Variants in SLC4A5 observed in about 807,000 individuals in gnomAD.
The protein encoded by SLC4A5 is solute carrier family 4 member 5, also known as electrogenic sodium bicarbonate cotransporter 4.
SLC4A5 carries 96 observed loss-of-function variants against 120.4 expected under a neutral mutation model. That is an observed-to-expected ratio of 0.80 (90% confidence interval 0.68 to 0.94). The LOEUF (loss-of-function observed/expected upper bound fraction) is 0.94. SLC4A5 is among the 40% of genes least tolerant of loss of function. The pLI is 0.00. For synonymous variants in SLC4A5, 550 were observed against 571.1 expected, an observed-to-expected ratio of 0.96 and a Z score of 0.53; for missense variants, 1,259 against 1,459.5, an observed-to-expected ratio of 0.86 and a Z score of 2.24.
chr2:74,325,969 A>G (rs1673208617), intron 5 of SLC4A5, among the ~76,000 whole-genome samples: 1 of 151,590 alleles, frequency 6.6e-6, no homozygotes. Flanking sequence ...GGAGGGAGAA[A>G]GACGAAAGAG....
intron 12 of SLC4A5, among the ~76,000 whole-genome samples, chr2:74,257,494 C>T (rs1050397833): frequency 7.2e-5 from 11 of 152,188 alleles, no homozygotes; most frequent in East Asian, 3.9e-4. Context: ...GGAGGAGATA[C>T]GGGCTGGGCA....
chr2:74,247,338 C>T (rs1434838722), intron 18 of SLC4A5, 31 bp from the exon 19 acceptor site: 3 of 1,595,780 alleles, frequency 1.9e-6, no homozygotes, highest in Admixed American at 3.4e-5. Flanking sequence ...GAGGGGCCTC[C>T]AGCCCAGGGC....
chr2:74,270,896 G>GGACATGGCC (rs1447053508), intron 8 of SLC4A5, among the ~76,000 whole-genome samples: 2 of 152,098 alleles, frequency 1.3e-5, no homozygotes, highest in Non-Finnish European at 2.9e-5. Flanking sequence ...TTATACAGCA[G>GGACATGGCC]GACATGGCCT....
intron 25 of SLC4A5, among the ~76,000 whole-genome samples, chr2:74,229,116 T>TTTTTTTTTTTTC (rs1553451209): frequency 7.3e-6 from 1 of 136,464 alleles, no homozygotes; most frequent in Non-Finnish European, 1.5e-5. Context: ...TTTTTTTTTT[T>TTTTTTTTTTTTC]CTTGAGACAG....
exon 18 of SLC4A5, chr2:74,248,362 T>C: frequency 6.2e-7 from 1 of 1,613,962 alleles, no homozygotes; most frequent in South Asian, 1.1e-5. Context: ...CTTGCTGAAG[T>C]CGAAGAGGAG....
At chr2:74,293,365 C>A (rs1044619731) in intron 7 of SLC4A5, among the ~76,000 whole-genome samples, 4 of 152,154 alleles carry the variant, frequency 2.6e-5, no homozygotes, top group African/African-American at 9.7e-5. Context: ...TCCCCTCCTC[C>A]CATAAGGATG....
At chr2:74,340,192 CA>C (rs769798627) in intron 2 of SLC4A5, among the ~76,000 whole-genome samples, 10 of 152,080 alleles carry the variant, frequency 6.6e-5, no homozygotes, top group Non-Finnish European at 1.3e-4. Context: ...TTAAAATGGT[CA>C]ATCTTATGCT....
intron 8 of SLC4A5, among the ~76,000 whole-genome samples, chr2:74,282,443 T>G (rs1671843179): frequency 6.6e-6 from 1 of 152,260 alleles, no homozygotes; most frequent in Admixed American, 6.5e-5. Context: ...AGCCAGGTTA[T>G]CCTGAGGTCC....
intron 3 of SLC4A5, among the ~76,000 whole-genome samples, chr2:74,337,759 C>T (rs925302426): frequency 2.0e-5 from 3 of 152,188 alleles, no homozygotes; most frequent in Admixed American, 1.3e-4. Context: ...ATTTGCATCC[C>T]GATCTGCCTT....
intron 6 of SLC4A5, among the ~76,000 whole-genome samples, chr2:74,310,958 GTTAA>G (rs1672788363): frequency 6.9e-6 from 1 of 145,436 alleles, no homozygotes; most frequent in East Asian, 2.0e-4. Flanking sequence ...TTGGTAAGTT[GTTAA>G]TTATTATTAT....
chr2:74,258,739 G>A (rs774865142), intron 12 of SLC4A5, among the ~76,000 whole-genome samples: 7 of 152,242 alleles, frequency 4.6e-5, no homozygotes, highest in Non-Finnish European at 5.9e-5. Flanking sequence ...GCACAGTGTA[G>A]TGCATGTGGT....
chr2:74,336,648 C>T (rs1673498161), intron 3 of SLC4A5, among the ~76,000 whole-genome samples: 1 of 152,162 alleles, frequency 6.6e-6, no homozygotes, highest in Admixed American at 6.5e-5. Flanking sequence ...ATAATTTGCC[C>T]AAGTTCACAC....
intron 5 of SLC4A5, among the ~76,000 whole-genome samples, chr2:74,325,138 T>C (rs1426402607): frequency 6.6e-6 from 1 of 152,184 alleles, no homozygotes; most frequent in African/African-American, 2.4e-5. Flanking sequence ...GAAAATGAAA[T>C]AGAGCTTTCC....
At chr2:74,261,007 T>A (rs575963333) in intron 11 of SLC4A5, among the ~76,000 whole-genome samples, 1 of 152,296 alleles carries the variant, frequency 6.6e-6, no homozygotes, top group South Asian at 2.1e-4. Context: ...TAGAACCCCC[T>A]CTTCCTCCTC....
At chr2:74,340,164 T>C (rs994283410) in intron 2 of SLC4A5, among the ~76,000 whole-genome samples, 6 of 152,236 alleles carry the variant, frequency 3.9e-5, no homozygotes, top group African/African-American at 1.4e-4. Context: ...TGCCACTGAA[T>C]TGTACATTCA....
intron 14 of SLC4A5, among the ~76,000 whole-genome samples, chr2:74,254,226 C>T (rs1260310782): frequency 6.6e-6 from 1 of 152,162 alleles, no homozygotes; most frequent in African/African-American, 2.4e-5. Flanking sequence ...GAAGCTCTTA[C>T]ACTGAGCCTA....
intron 6 of SLC4A5, among the ~76,000 whole-genome samples, chr2:74,308,689 T>C (rs913320826): frequency 6.6e-6 from 1 of 152,116 alleles, no homozygotes; most frequent in Non-Finnish European, 1.5e-5. Flanking sequence ...TTCTCTTAAA[T>C]GTCTTTCACA....
intron 28 of SLC4A5, among the ~76,000 whole-genome samples, chr2:74,223,792 T>C (rs749575868): frequency 2.0e-5 from 3 of 152,174 alleles, no homozygotes; most frequent in Non-Finnish European, 4.4e-5. Flanking sequence ...ACACATGCAT[T>C]ATGGGACTCT....
chr2:74,317,390 T>C (rs999674368), intron 5 of SLC4A5, among the ~76,000 whole-genome samples: 3 of 152,176 alleles, frequency 2.0e-5, no homozygotes, highest in South Asian at 4.1e-4. Context: ...CTTCAAGGAT[T>C]AGACAGCCTC....
Sources: gnomAD v4.1 joint callset for allele counts (sites outside exome capture counted in the v4.1 genomes callset) on GRCh38, gnomAD v4.1.1 for gene constraint, MANE v1.5 for transcripts, NCBI Gene and HGNC (gene_info 2026-07-23, HGNC 2026-07-21) for gene names.